TMEFF2: variants seen among roughly 807,000 people sequenced by gnomAD.
TMEFF2 encodes the protein tomoregulin-2.
A neutral mutation model predicts 53.8 loss-of-function variants in TMEFF2; 28 were observed. The observed-to-expected ratio is 0.52, with a 90% CI of 0.39 to 0.71. The LOEUF (loss-of-function observed/expected upper bound fraction) is 0.71, where lower values mean the gene tolerates loss of function less well. Ranked by LOEUF, TMEFF2 falls within the 30% of genes least tolerant of loss-of-function variation. TMEFF2 has a pLI of 0.00. For missense variants in TMEFF2, 353 were observed against 455.2 expected, an observed-to-expected ratio of 0.78 and a Z score of 2.04; for synonymous variants, 162 against 166.3, an observed-to-expected ratio of 0.97 and a Z score of 0.20.
chr2:192,159,736 CT>C (rs1222505432), intron 4 of TMEFF2, among the ~76,000 whole-genome samples: 1 of 152,120 alleles, frequency 6.6e-6, no homozygotes, highest in Non-Finnish European at 1.5e-5. Flanking sequence ...TATTTCCCAC[CT>C]CATTGCCCTG....
chr2:192,145,067 C>T (rs1057123937), intron 4 of TMEFF2, among the ~76,000 whole-genome samples: 1 of 151,756 alleles, frequency 6.6e-6, no homozygotes, highest in Non-Finnish European at 1.5e-5. Flanking sequence ...AACAGAAAAA[C>T]AAAATTTTCT....
intron 7 of TMEFF2, among the ~76,000 whole-genome samples, chr2:191,960,857 G>A (rs1252858705): frequency 6.6e-6 from 1 of 152,180 alleles, no homozygotes; most frequent in Non-Finnish European, 1.5e-5. Flanking sequence ...GCTTCTGGTG[G>A]TATTGAAAGG....
At chr2:192,071,851 T>C (rs1253470542) in intron 4 of TMEFF2, among the ~76,000 whole-genome samples, 2 of 151,880 alleles carry the variant, frequency 1.3e-5, no homozygotes, top group African/African-American at 4.8e-5. Flanking sequence ...GTTGAATTCA[T>C]GGATATGGAA....
At chr2:191,957,955 A>G (rs1692156943) in intron 7 of TMEFF2, among the ~76,000 whole-genome samples, 2 of 152,222 alleles carry the variant, frequency 1.3e-5, no homozygotes, top group Non-Finnish European at 1.5e-5. Flanking sequence ...TCTTCTTTGA[A>G]GTTACTTTGG....
intron 4 of TMEFF2, among the ~76,000 whole-genome samples, chr2:192,147,925 A>G (rs990827305): frequency 6.6e-6 from 1 of 152,092 alleles, no homozygotes; most frequent in Non-Finnish European, 1.5e-5. Context: ...TTTTAATATA[A>G]TAAACTGACT....
chr2:192,070,976 G>A (rs1688281786), intron 4 of TMEFF2, among the ~76,000 whole-genome samples: 1 of 151,732 alleles, frequency 6.6e-6, no homozygotes, highest in Non-Finnish European at 1.5e-5. Context: ...AGTGACACGG[G>A]GTCACTTCAG....
chr2:192,022,800 T>A (rs927302421), intron 5 of TMEFF2, among the ~76,000 whole-genome samples: 11 of 152,154 alleles, frequency 7.2e-5, no homozygotes, highest in African/African-American at 2.7e-4. Flanking sequence ...CAATTGTTTA[T>A]CAATAATAAT....
rs1428960434 is a variant in TMEFF2 at position 192,124,008 on chromosome 2, A to G, written c.439+55660T>C. Among the ~76,000 whole-genome samples the G allele has an allele frequency of 2.0e-5, 3 of 152,240 alleles. No homozygotes were observed. The East Asian group carries it at 5.8e-4, about 29-fold the overall frequency. ...CATTAGTTTGCCAACTGGCACTGAC[A>G]GGAGTGCAAAACTACTGCAAATTGT... On this transcript the variant is annotated intron_variant, in intron 4 of 9. Transcript: ENST00000272771.
chr2:192,180,464 T>C (rs1363262755), intron 3 of TMEFF2, among the ~76,000 whole-genome samples: 2 of 151,698 alleles, frequency 1.3e-5, no homozygotes, highest in Non-Finnish European at 3.0e-5. Context: ...CGATTCCATC[T>C]GCTTCTGCTT....
chr2:192,144,184 C>A (rs1690198642), intron 4 of TMEFF2, among the ~76,000 whole-genome samples: 1 of 152,016 alleles, frequency 6.6e-6, no homozygotes, highest in African/African-American at 2.4e-5. Flanking sequence ...CAGTCCTTCC[C>A]ACATCGTCGC....
In TMEFF2 at chr2:192,135,939, C is replaced by T. The variant is rs559750786; in HGVS notation, c.439+43729G>A. Among the ~76,000 whole-genome samples the T allele has an allele frequency of 8.6e-3, 1,307 of 151,844 alleles. 25 individuals carry two copies. Among genetic ancestry groups the T allele is most frequent in the African/African-American group, 0.03 (1,237 of 41,372 alleles). ...GCCCCTGCCCACCAGAGAACAACCC[C>T]CTTTGACTGTAATTTTCCATTACCT... On this transcript the variant is annotated intron_variant, in intron 4 of 9. Transcript: ENST00000272771.
chr2:192,011,334 A>G (rs987273088), intron 5 of TMEFF2, among the ~76,000 whole-genome samples: 1 of 152,200 alleles, frequency 6.6e-6, no homozygotes, highest in African/African-American at 2.4e-5. Context: ...TGGAGTGGCT[A>G]CTCTGTGCAA....
intron 7 of TMEFF2, among the ~76,000 whole-genome samples, chr2:191,957,075 A>G (rs939209147): frequency 6.6e-6 from 1 of 152,226 alleles, no homozygotes; most frequent in Admixed American, 6.5e-5. Context: ...TGAAACCTAA[A>G]CTTACGATAA....
chr2:192,158,197 AAG>A (rs1209215770), intron 4 of TMEFF2, among the ~76,000 whole-genome samples: 2 of 152,140 alleles, frequency 1.3e-5, no homozygotes, highest in African/African-American at 4.8e-5. Flanking sequence ...CACTTTAAGA[AAG>A]ACTGAAACAC....
intron 4 of TMEFF2, among the ~76,000 whole-genome samples, chr2:192,135,816 C>T (rs10177830): frequency 0.43 from 63,918 of 150,090 alleles, 14,262 homozygotes; most frequent in East Asian, 0.79. Flanking sequence ...CACTCCACCA[C>T]TGTGATTTGT....
intron 5 of TMEFF2, among the ~76,000 whole-genome samples, chr2:192,047,792 TG>T (rs1469940835): frequency 4.6e-5 from 7 of 152,238 alleles, no homozygotes; most frequent in Non-Finnish European, 7.3e-5. Flanking sequence ...TTATATGCCC[TG>T]TTTGTAGGGA....
At chr2:192,026,352 C>T (rs1217540967) in intron 5 of TMEFF2, among the ~76,000 whole-genome samples, 2 of 151,854 alleles carry the variant, frequency 1.3e-5, no homozygotes, top group African/African-American at 4.8e-5. Context: ...CCTATAGCAG[C>T]TCACTGTGGG....
chr2:192,161,834 G>T (rs921821933), intron 4 of TMEFF2, among the ~76,000 whole-genome samples: 2 of 152,156 alleles, frequency 1.3e-5, no homozygotes, highest in African/African-American at 4.8e-5. Flanking sequence ...AAAGCATAAG[G>T]AACAAGCAAA....
At chr2:191,979,248 C>A (rs1487294621) in intron 7 of TMEFF2, among the ~76,000 whole-genome samples, 1 of 152,162 alleles carries the variant, frequency 6.6e-6, no homozygotes, top group African/African-American at 2.4e-5. Context: ...GTGTAGGAGA[C>A]CTCACGAAGC....
Sources: allele counts gnomAD v4.1 joint callset (sites outside exome capture counted in the v4.1 genomes callset), GRCh38; gene constraint gnomAD v4.1.1; transcripts MANE v1.5; gene names NCBI Gene and HGNC (gene_info 2026-07-23, HGNC 2026-07-21).